SLC2A13: variants seen among roughly 807,000 people sequenced by gnomAD.
SLC2A13 encodes proton myo-inositol cotransporter.
A neutral mutation model predicts 64.4 loss-of-function variants in SLC2A13; 32 were observed. The observed-to-expected ratio is 0.50, with a 90% CI of 0.37 to 0.67. SLC2A13 has a LOEUF of 0.67. Ranked by LOEUF, SLC2A13 falls within the 30% of genes least tolerant of loss-of-function variation. SLC2A13 has a pLI of 0.00. For synonymous variants in SLC2A13, 338 were observed against 327.1 expected (o/e 1.03, Z -0.36); for missense variants, 743 against 829.2 (o/e 0.90, Z 1.28).
At chr12:39,894,539 G>T (rs571618415) in intron 4 of SLC2A13, among the ~76,000 whole-genome samples, 2 of 152,312 alleles carry the variant, frequency 1.3e-5, no homozygotes, top group South Asian at 4.1e-4. Flanking sequence ...AATTGATTTA[G>T]CTTGCATACT....
chr12:39,979,575 A>G, intron 3 of SLC2A13, among the ~76,000 whole-genome samples: 1 of 147,840 alleles, frequency 6.8e-6, no homozygotes, highest in East Asian at 2.0e-4. Context: ...GGGTATCAGC[A>G]ACGGAAGATG....
At chr12:39,884,051 T>C (rs1944410333) in intron 4 of SLC2A13, among the ~76,000 whole-genome samples, 1 of 152,210 alleles carries the variant, frequency 6.6e-6, no homozygotes, top group Non-Finnish European at 1.5e-5. Context: ...GTTTGAAGTG[T>C]TAACATTTTG....
At chr12:39,873,226 T>C (rs1944101611) in intron 4 of SLC2A13, among the ~76,000 whole-genome samples, 1 of 152,188 alleles carries the variant, frequency 6.6e-6, no homozygotes, top group Non-Finnish European at 1.5e-5. Flanking sequence ...ACTAAAAAGC[T>C]GCCAACCATT....
chr12:39,835,767 T>G (rs1422749771), intron 6 of SLC2A13: 2 of 152,084 alleles, frequency 1.3e-5, no homozygotes, highest in African/African-American at 4.8e-5. Context: ...GCACAACAGC[T>G]CTAGAAATCA....
intron 4 of SLC2A13, among the ~76,000 whole-genome samples, chr12:39,891,918 T>A (rs1317002967): frequency 1.3e-5 from 2 of 152,214 alleles, no homozygotes; most frequent in Non-Finnish European, 2.9e-5. Context: ...TCTAAAAAAA[T>A]TATTGATACC....
chr12:39,780,190 T>C (rs2135740533), intron 7 of SLC2A13, among the ~76,000 whole-genome samples: 1 of 149,870 alleles, frequency 6.7e-6, no homozygotes, highest in African/African-American at 2.4e-5. Flanking sequence ...GCATCATTAT[T>C]CCCATTTTGC....
intron 3 of SLC2A13, among the ~76,000 whole-genome samples, chr12:39,989,391 C>T (rs1310160107): frequency 6.6e-6 from 1 of 152,220 alleles, no homozygotes; most frequent in Admixed American, 6.5e-5. Flanking sequence ...TATCTGTTAA[C>T]ATTTATTACC....
chr12:39,866,683 G>T (rs972198385), intron 5 of SLC2A13, among the ~76,000 whole-genome samples: 69 of 152,136 alleles, frequency 4.5e-4, no homozygotes, highest in Admixed American at 2.0e-3. Flanking sequence ...GTTTCACCGT[G>T]TTAGCCAGGA....
intron 3 of SLC2A13, among the ~76,000 whole-genome samples, chr12:39,997,016 A>C (rs140688462): frequency 6.6e-6 from 1 of 152,322 alleles, no homozygotes; most frequent in African/African-American, 2.4e-5. Flanking sequence ...ATCATTCTTC[A>C]CAGAGTTAGA....
chr12:39,983,130 G>T (rs1565575576), intron 3 of SLC2A13, among the ~76,000 whole-genome samples: 2 of 151,814 alleles, frequency 1.3e-5, no homozygotes, highest in Non-Finnish European at 2.9e-5. Flanking sequence ...GCCATATGTA[G>T]AAAGCTGAAA....
intron 4 of SLC2A13, among the ~76,000 whole-genome samples, chr12:39,931,608 T>C (rs192930549): frequency 6.6e-6 from 1 of 152,346 alleles, no homozygotes; most frequent in Non-Finnish European, 1.5e-5. Flanking sequence ...ATTGATTTTA[T>C]ATTTCAGATA....
At chr12:39,877,886 A>G (rs1032684769) in intron 4 of SLC2A13, among the ~76,000 whole-genome samples, 1 of 152,196 alleles carries the variant, frequency 6.6e-6, no homozygotes, top group African/African-American at 2.4e-5. Flanking sequence ...GTGCTGAGGT[A>G]GGGCATGGTG....
intron 3 of SLC2A13, among the ~76,000 whole-genome samples, chr12:39,970,703 C>T (rs2136129182): frequency 6.6e-6 from 1 of 152,284 alleles, no homozygotes; most frequent in East Asian, 1.9e-4. Context: ...CAATTTTCAT[C>T]TCTAATTCTG....
At chr12:39,972,287 C>T (rs1442884129) in intron 3 of SLC2A13, among the ~76,000 whole-genome samples, 1 of 151,744 alleles carries the variant, frequency 6.6e-6, no homozygotes, top group African/African-American at 2.4e-5. Context: ...ACATAGCCCA[C>T]AAAGCAAAAT....
intron 4 of SLC2A13, among the ~76,000 whole-genome samples, chr12:39,946,427 G>A (rs1161472248): frequency 1.3e-5 from 2 of 152,340 alleles, no homozygotes; most frequent in South Asian, 2.1e-4. Context: ...GAACTCCCAA[G>A]ATTATATGTC....
chr12:39,898,357 A>C (rs969012294), intron 4 of SLC2A13, among the ~76,000 whole-genome samples: 7 of 152,180 alleles, frequency 4.6e-5, no homozygotes, highest in Non-Finnish European at 7.4e-5. Flanking sequence ...TGAATATGAT[A>C]CAATGGGAAT....
At position 39,873,530 on chromosome 12, in the gene SLC2A13, A is replaced by G. The variant is rs557538198; in HGVS notation, c.1035-1569T>C. The stretch of plus-strand genomic sequence containing the variant: ...ATATTGAAAGAAAATTCAAATATTT[A>G]AAGCCAAAAGAATTTGACATGTGTC... On this transcript the variant is annotated intron_variant, in intron 4 of 9. Coordinates refer to ENST00000280871, the MANE Select transcript of SLC2A13 (RefSeq NM_052885.4). Among the ~76,000 whole-genome samples the G allele has an allele frequency of 9.2e-5, 14 of 152,370 alleles. No homozygotes were observed. In the South Asian group the frequency reaches 2.9e-3, roughly 32 times the overall value.
At chr12:39,943,032 G>A (rs1010657387) in intron 4 of SLC2A13, among the ~76,000 whole-genome samples, 5 of 152,226 alleles carry the variant, frequency 3.3e-5, no homozygotes, top group Middle Eastern at 3.4e-3. Context: ...CAGATCTGCC[G>A]GAGTTTGCTG....
At chr12:39,997,773 GT>G (rs2136176826) in intron 3 of SLC2A13, among the ~76,000 whole-genome samples, 1 of 152,276 alleles carries the variant, frequency 6.6e-6, no homozygotes, top group East Asian at 1.9e-4. Flanking sequence ...GGAGTTTGCG[GT>G]GAGCCGAGAT....
Sources: allele counts gnomAD v4.1 joint callset (sites outside exome capture counted in the v4.1 genomes callset), GRCh38; gene constraint gnomAD v4.1.1; transcripts MANE v1.5; gene names NCBI Gene and HGNC (gene_info 2026-07-23, HGNC 2026-07-21).